Variants in CDKAL1 observed in about 807,000 individuals in gnomAD.
CDKAL1 encodes the protein threonylcarbamoyladenosine tRNA methylthiotransferase.
A neutral mutation model predicts 68.2 loss-of-function variants in CDKAL1; 32 were observed. The observed-to-expected ratio is 0.47, with a 90% confidence interval of 0.35 to 0.63. The LOEUF (loss-of-function observed/expected upper bound fraction) is 0.63. Ranked by LOEUF, CDKAL1 falls within the 30% of genes least tolerant of loss-of-function variation. The pLI, the probability that CDKAL1 is intolerant of heterozygous loss-of-function variation, is 0.00. For synonymous variants in CDKAL1, 234 were observed against 244.3 expected (o/e 0.96, Z 0.39); for missense variants, 606 against 696.7 (o/e 0.87, Z 1.47).
At chr6:20,986,699 T>G (rs1465444992) in intron 10 of CDKAL1, among the ~76,000 whole-genome samples, 1 of 152,110 alleles carries the variant, frequency 6.6e-6, no homozygotes, top group Non-Finnish European at 1.5e-5. Flanking sequence ...CCAAGTATGC[T>G]TATTTTTCTA....
intron 9 of CDKAL1, among the ~76,000 whole-genome samples, chr6:20,918,957 C>T (rs1762835229): frequency 1.3e-5 from 2 of 152,208 alleles, no homozygotes; most frequent in Admixed American, 6.5e-5. Context: ...TTCCTCACTT[C>T]TTCAGTCAAA....
Position 21,205,725 on chromosome 6 carries a change from G to A in CDKAL1, c.1548+4451G>A, listed in dbSNP as rs529635155. ...GTTTTGTATTTTTAGTAGAGACGGG[G>A]TTTCACTGTGTTAGCCAGGATGGTC... On this transcript the variant is annotated intron_variant, in intron 15 of 15. Coordinates refer to ENST00000274695, the MANE Select transcript of CDKAL1 (RefSeq NM_017774.3). Among the ~76,000 whole-genome samples the A allele has an allele frequency of 4.7e-5, 7 of 150,146 alleles. No homozygotes were observed. In the South Asian group the frequency reaches 1.3e-3, roughly 27 times the overall value.
Position 20,548,627 on chromosome 6 carries a change from A to C in CDKAL1, c.208A>C (p.Thr70Pro). ...AGGCATACAGAAAATTTGGATACGA[A>C]CATGGGGTTGTTCTCATAATAATTC... ...IPGIQKIWIR[T>P]WGCSHNNSDG... The change falls in exon 4 of 16, where the codon ACA becomes CCA. Residue 70 changes from threonine (T) to proline (P), a missense_variant. By Grantham distance (38) the Thr-to-Pro change is conservative. Transcript: ENST00000274695. The C allele has an allele frequency of 6.3e-7, 1 of 1,594,268 alleles. No individual in the cohort carries two copies. Among genetic ancestry groups the C allele is most frequent in the Non-Finnish European group, 8.6e-7 (1 of 1,163,574 alleles).
At chr6:20,781,370 G>A in intron 8 of CDKAL1, 105 bp downstream of exon 8, 4 of 1,017,492 alleles carry the variant, frequency 3.9e-6, no homozygotes, top group Non-Finnish European at 5.6e-6. Context: ...CATTTTCTTG[G>A]GAAAGAAAAA....
At chr6:21,108,683 T>A (rs1405852206) in intron 13 of CDKAL1, among the ~76,000 whole-genome samples, 1 of 152,206 alleles carries the variant, frequency 6.6e-6, no homozygotes, top group East Asian at 1.9e-4. Context: ...AGTTACATAT[T>A]GGCACTGAAA....
chr6:21,092,274 T>G, intron 12 of CDKAL1, among the ~76,000 whole-genome samples: 1 of 149,634 alleles, frequency 6.7e-6, no homozygotes, highest in Non-Finnish European at 1.5e-5. Flanking sequence ...TTTTTTTAAG[T>G]TCCGGGATAC....
At chr6:20,744,208 G>A (rs1363999616) in intron 6 of CDKAL1, among the ~76,000 whole-genome samples, 1 of 152,120 alleles carries the variant, frequency 6.6e-6, no homozygotes, top group African/African-American at 2.4e-5. Flanking sequence ...GAATGTTTCT[G>A]TTTTTCTTTT....
At chr6:20,629,127 TTC>T (rs1482849804) in intron 4 of CDKAL1, among the ~76,000 whole-genome samples, 1 of 152,230 alleles carries the variant, frequency 6.6e-6, no homozygotes, top group Non-Finnish European at 1.5e-5. Flanking sequence ...CTGGACTAGT[TTC>T]TCTCTCTTTA....
At chr6:21,230,236 A>T (rs1779904511) in intron 15 of CDKAL1, among the ~76,000 whole-genome samples, 1 of 152,170 alleles carries the variant, frequency 6.6e-6, no homozygotes, top group African/African-American at 2.4e-5. Flanking sequence ...ATCTTGGCTC[A>T]CTGTAGCCTT....
chr6:20,558,267 C>T (rs1429975537), intron 4 of CDKAL1, among the ~76,000 whole-genome samples: 2 of 152,150 alleles, frequency 1.3e-5, no homozygotes, highest in Non-Finnish European at 2.9e-5. Flanking sequence ...TGTATTCTTT[C>T]TATCAGCTCT....
At chr6:21,202,877 C>G (rs920975049) in intron 15 of CDKAL1, among the ~76,000 whole-genome samples, 1 of 152,174 alleles carries the variant, frequency 6.6e-6, no homozygotes, top group Non-Finnish European at 1.5e-5. Context: ...AGTTCTACCA[C>G]CAGCCCAGCT....
chr6:20,954,960 T>G (rs966241961), intron 9 of CDKAL1, among the ~76,000 whole-genome samples: 1 of 152,096 alleles, frequency 6.6e-6, no homozygotes, highest in African/African-American at 2.4e-5. Flanking sequence ...TAATTAATAA[T>G]ATGTGAGCTA....
intron 8 of CDKAL1, among the ~76,000 whole-genome samples, chr6:20,834,828 G>A (rs966010265): frequency 6.6e-6 from 1 of 152,128 alleles, no homozygotes. Context: ...TGGCATTATG[G>A]ATGAGGACAG....
At chr6:20,653,445 T>G (rs1390708572) in intron 5 of CDKAL1, among the ~76,000 whole-genome samples, 1 of 152,110 alleles carries the variant, frequency 6.6e-6, no homozygotes, top group East Asian at 1.9e-4. Flanking sequence ...TGGTTTTAAT[T>G]TACATTTCCT....
intron 9 of CDKAL1, among the ~76,000 whole-genome samples, chr6:20,939,703 T>C (rs1013347518): frequency 1.3e-5 from 2 of 152,176 alleles, no homozygotes; most frequent in East Asian, 1.9e-4. Context: ...GGAGAGTTTC[T>C]CTGTAAAGGT....
At chr6:21,226,999 A>G (rs1275819906) in intron 15 of CDKAL1, among the ~76,000 whole-genome samples, 2 of 152,170 alleles carry the variant, frequency 1.3e-5, no homozygotes, top group African/African-American at 2.4e-5. Context: ...GAGCCACCGC[A>G]CCCAGCCCCA....
intron 15 of CDKAL1, among the ~76,000 whole-genome samples, 163 bp from the exon 16 acceptor site, chr6:21,230,685 A>C (rs1411154327): frequency 6.6e-6 from 1 of 151,556 alleles, no homozygotes; most frequent in Non-Finnish European, 1.5e-5. Context: ...ACTCATTCAT[A>C]CCTACCTTGG....
At chr6:21,056,212 G>A (rs142477396) in intron 11 of CDKAL1, among the ~76,000 whole-genome samples, 21,134 of 152,070 alleles carry the variant, frequency 0.14, 1,963 homozygotes, top group South Asian at 0.22. Context: ...ACGGTGGTTT[G>A]TAGTTCTCCT....
chr6:21,085,489 A>T (rs1484924311), intron 12 of CDKAL1, among the ~76,000 whole-genome samples: 1 of 152,162 alleles, frequency 6.6e-6, no homozygotes, highest in Non-Finnish European at 1.5e-5. Flanking sequence ...AGCTATACAA[A>T]GGGCTGTTAA....
Sources: gnomAD v4.1 joint callset for allele counts (sites outside exome capture counted in the v4.1 genomes callset) on GRCh38, gnomAD v4.1.1 for gene constraint, MANE v1.5 for transcripts, NCBI Gene and HGNC (gene_info 2026-07-23, HGNC 2026-07-21) for gene names.